Variants in AARSD1 observed in about 807,000 individuals in gnomAD.
AARSD1 encodes alanyl-tRNA synthetase domain containing 1.
AARSD1 carries 44 observed loss-of-function variants against 48.7 expected under a neutral mutation model. The ratio of observed to expected loss-of-function variants is 0.90; its 90% CI spans 0.71 to 1.16. The LOEUF is 1.16. Ranked by LOEUF, AARSD1 falls within the 50% of genes most tolerant of loss-of-function variation. The pLI is 0.00. For synonymous variants in AARSD1, 189 were observed against 194.9 expected, an observed-to-expected ratio of 0.97 and a Z score of 0.25; for missense variants, 511 against 523.1, an observed-to-expected ratio of 0.98 and a Z score of 0.23.
chr17:42,955,756 C>T (rs761880926), intron 7 of AARSD1, 86 bp downstream of exon 7: 46 of 1,582,826 alleles, frequency 2.9e-5, no homozygotes, highest in Non-Finnish European at 3.6e-5. Flanking sequence ...TTATCATTTA[C>T]GATTGCATCT....
chr17:42,951,278 A>C (rs2049475657), intron 11 of AARSD1, among the ~76,000 whole-genome samples: 1 of 152,128 alleles, frequency 6.6e-6, no homozygotes, highest in Non-Finnish European at 1.5e-5. Context: ...ATCTCCAGAG[A>C]GCAGGGTGAG....
In AARSD1 at chr17:42,964,431, A is replaced by T; in HGVS notation, c.10T>A (p.Trp4Arg). MAF[W>R]CQRDSYAREF... Reference sequence around the variant, plus strand: ...CGGGCATAACTGTCACGCTGACACCAGAACGCCATACCTGCAGGCGTGTGA... The same window carrying T: ...CGGGCATAACTGTCACGCTGACACCTGAACGCCATACCTGCAGGCGTGTGA... Residue 4 changes from tryptophan (W) to arginine (R), a missense_variant, in exon 1 of 12, where the codon TGG (tryptophan) becomes AGG (arginine). Physicochemically the swap from Trp to Arg is moderately radical, Grantham distance 101 (BLOSUM62 -3). Transcript: ENST00000427569. The T allele has an allele frequency of 6.4e-7, 1 of 1,550,820 alleles. No individual in the cohort carries two copies.
At chr17:42,963,437 A>G (rs2049666417) in intron 2 of AARSD1, among the ~76,000 whole-genome samples, 2 of 151,820 alleles carry the variant, frequency 1.3e-5, no homozygotes, top group Admixed American at 1.3e-4. Context: ...AAAAGAAAAG[A>G]AAGAAAAGCC....
In AARSD1 at chr17:42,957,127, C is replaced by T. The variant is rs1466492547; in HGVS notation, c.389+11G>A. ...GGCCTGCCTACAGTTAGTCTTATGC[C>T]TCCCACTCACCATGATGTTGTCTTC... On this transcript the variant is annotated intron_variant, in intron 4 of 11. Transcript: ENST00000427569. 5 of 1,613,322 alleles carry T rather than the reference C, an allele frequency of 3.1e-6. No individual in the cohort carries two copies. The highest frequency in any genetic ancestry group is 4.2e-6 in the Non-Finnish European group (5 of 1,179,708).
At position 42,957,148 on chromosome 17, in the gene AARSD1, T is replaced by C; in HGVS notation, c.379A>G (p.Thr127Ala). 2 of 1,613,614 alleles carry C rather than the reference T, an allele frequency of 1.2e-6. No homozygotes were observed. The highest frequency in any genetic ancestry group is 8.5e-7 in the Non-Finnish European group (1 of 1,179,846). The change falls in exon 4 of 12, where the codon ACA (threonine) becomes GCA (alanine). Residue 127 changes from threonine to alanine, a missense_variant. Thr to Ala is a moderately conservative substitution (Grantham distance 58). Transcript: ENST00000427569. The stretch of plus-strand genomic sequence containing the variant: ...ATGCCTCCCACTCACCATGATGTTG[T>C]CTTCAGCTTAAATAGATGGTCAGCA... ...AVADHLFKLKTTSWELGRFRS... is the reference protein window; with the variant it reads ...AVADHLFKLKATSWELGRFRS...
rs775337462 is a variant in AARSD1, at chr17:42,961,370, C to T, written c.172-19G>A. Reference sequence around the variant, plus strand: ...CATCAGGCTGGTGGAAATAAGTAAACGTAATCAATGGCAAGGCAGGGCTCA... The same window carrying T: ...CATCAGGCTGGTGGAAATAAGTAAATGTAATCAATGGCAAGGCAGGGCTCA... On this transcript the variant is annotated intron_variant, in intron 2 of 11. Coordinates refer to ENST00000427569, the MANE Select transcript of AARSD1 (RefSeq NM_001261434.2). The T allele has an allele frequency of 5.6e-6, 9 of 1,613,546 alleles. No individual in the cohort carries two copies. Among genetic ancestry groups the T allele is most frequent in the East Asian group, 4.5e-5 (2 of 44,874 alleles).
Position 42,954,482 on chromosome 17 carries a change from C to T in AARSD1, c.953+394G>A, listed in dbSNP as rs1463403408. Reference sequence around the variant, plus strand: ...GGGGTCTCACTCTGTTGGTCCAGGCCGGAGTGCTGTGGCGTGATCTCCACT... The same window carrying T: ...GGGGTCTCACTCTGTTGGTCCAGGCTGGAGTGCTGTGGCGTGATCTCCACT... On this transcript the variant is annotated intron_variant, in intron 9 of 11. Transcript: ENST00000427569. 4.0e-5 allele frequency among the ~76,000 whole-genome samples: 6 copies of T among 151,696 alleles called. No homozygotes were observed. In the East Asian group the frequency reaches 5.8e-4, roughly 15 times the overall value.
In AARSD1 at chr17:42,955,285, C is replaced by A. The variant is rs982525202; in HGVS notation, c.795-61G>T. On this transcript the variant is annotated intron_variant, in intron 7 of 11. Transcript: ENST00000427569. ...TCCCAGTCGTTTCTGATGTTGGGGA[C>A]ATAAATCAATAATTTCCTTCTTGCT... 15 of 1,599,548 alleles carry A rather than the reference C, an allele frequency of 9.4e-6. No individual in the cohort carries two copies. The Admixed American group carries it at 2.2e-4, about 24-fold the overall frequency.
chr17:42,957,153 A>G lies in AARSD1; in HGVS notation c.374T>C (p.Leu125Pro). The G allele has an allele frequency of 6.2e-7, 1 of 1,613,566 alleles. No individual in the cohort carries two copies. The highest frequency in any genetic ancestry group is 8.5e-7 in the Non-Finnish European group (1 of 1,179,806). The change falls in exon 4 of 12, where the codon CTG becomes CCG. Residue 125 changes from leucine to proline, a missense_variant. Transcript: ENST00000427569. ...TCCCACTCACCATGATGTTGTCTTC[A>G]GCTTAAATAGATGGTCAGCAACTGC... is the stretch of plus-strand genomic sequence containing the variant. ...ITAVADHLFKLKTTSWELGRF... is the reference protein window; with the variant it reads ...ITAVADHLFKPKTTSWELGRF...
chr17:42,958,889 C>T (rs1442744524), intron 3 of AARSD1, among the ~76,000 whole-genome samples: 2 of 148,978 alleles, frequency 1.3e-5, no homozygotes, highest in Non-Finnish European at 3.0e-5. Flanking sequence ...TTCTTGTTTA[C>T]ATTTCCACTT....
At position 42,964,090 on chromosome 17, in the gene AARSD1, G is replaced by A. The variant is rs1405620344; in HGVS notation, c.171+16C>T. 6.2e-7 allele frequency: 1 copy of A among 1,614,054 alleles called. No individual in the cohort carries two copies. The highest frequency in any genetic ancestry group is 8.5e-7 in the Non-Finnish European group (1 of 1,180,016). On this transcript the variant is annotated intron_variant, in intron 2 of 11. Transcript: ENST00000427569. ...AAAGAAACTGGGGGCTTCCTGGGAAGAGATCGTTTTGGTACCTGTCCCCCG... is the reference window on the plus strand; with the variant it reads ...AAAGAAACTGGGGGCTTCCTGGGAAAAGATCGTTTTGGTACCTGTCCCCCG...
At chr17:42,960,904 T>C (rs953862679) in intron 3 of AARSD1, 2 of 309,618 alleles carry the variant, frequency 6.5e-6, no homozygotes, top group Non-Finnish European at 1.1e-5. Flanking sequence ...TTTTGTTTCA[T>C]TTTGGACATT....
chr17:42,955,379 C>A, intron 7 of AARSD1, 155 bp from the exon 8 acceptor site: 8 of 750,826 alleles, frequency 1.1e-5, no homozygotes, highest in East Asian at 3.4e-5. Flanking sequence ...TGGGAGAAAA[C>A]ATACAAAGGA....
chr17:42,962,005 T>A (rs1488160772), intron 2 of AARSD1, among the ~76,000 whole-genome samples: 2 of 149,680 alleles, frequency 1.3e-5, no homozygotes, highest in East Asian at 3.9e-4. Context: ...ACTGTCTCAT[T>A]TAAAAAAAAA....
At position 42,953,755 on chromosome 17, in the gene AARSD1, A is replaced by G; in HGVS notation, c.977T>C (p.Met326Thr). ...CCCAATCTCATTGGCAATGATATTC[A>G]TGAACTCTGAATCACCCTCCTTCCT... Reference protein sequence around the residue: ...LHRKEGDSEFMNIIANEIGSE... With the variant: ...LHRKEGDSEFTNIIANEIGSE... Residue 326 changes from methionine to threonine, a missense_variant, in exon 10 of 12, where the codon ATG (methionine) becomes ACG (threonine). By Grantham distance (81) the Met-to-Thr change is moderately conservative. Transcript: ENST00000427569. The G allele has an allele frequency of 6.2e-7, 1 of 1,614,104 alleles. No homozygotes were observed. The highest frequency in any genetic ancestry group is 8.5e-7 in the Non-Finnish European group (1 of 1,179,992).
Position 42,961,239 on chromosome 17 carries a change from A to G in AARSD1, c.284T>C (p.Val95Ala), listed in dbSNP as rs558579730. The stretch of plus-strand genomic sequence containing the variant: ...AAACCTCCGCTCCCAATCTACCCGG[A>G]CCAGAACCTGGCTTCCTGGATCCAG... ...TPLDPGSQVL[V>A]RVDWERRFDH... The change falls in exon 3 of 12, where the codon GTC becomes GCC. Residue 95 changes from valine (V) to alanine (A), a missense_variant. By Grantham distance (64) the Val-to-Ala change is moderately conservative. Transcript: ENST00000427569. The G allele has an allele frequency of 2.3e-5, 37 of 1,614,070 alleles. No homozygotes were observed. The South Asian group carries it at 3.4e-4, about 15-fold the overall frequency.
At chr17:42,952,407 G>A (rs2049491431) in intron 10 of AARSD1, among the ~76,000 whole-genome samples, 1 of 152,262 alleles carries the variant, frequency 6.6e-6, no homozygotes, top group Middle Eastern at 3.4e-3. Context: ...ACTAGAATAT[G>A]AGCTTCTTGA....
At chr17:42,957,056 G>T in intron 4 of AARSD1, 82 bp downstream of exon 4, 1 of 1,560,264 alleles carries the variant, frequency 6.4e-7, no homozygotes. Context: ...AATCTCCCCG[G>T]CTCAAGCAAT....
In AARSD1 at chr17:42,964,451, G is replaced by T; in HGVS notation, c.-11C>A. 1 of 1,550,704 alleles carries T rather than the reference G, an allele frequency of 6.4e-7. No individual in the cohort carries two copies. Among genetic ancestry groups the T allele is most frequent in the Admixed American group, 2.0e-5 (1 of 51,012 alleles). The stretch of plus-strand genomic sequence containing the variant: ...ACACCAGAACGCCATACCTGCAGGC[G>T]TGTGAGGAGGCGCACGCGCAGAGAA... On this transcript the variant is annotated 5_prime_UTR_variant, in exon 1 of 12. Transcript: ENST00000427569.
Sources: gnomAD v4.1 joint callset for allele counts (sites outside exome capture counted in the v4.1 genomes callset) on GRCh38, gnomAD v4.1.1 for gene constraint, MANE v1.5 for transcripts, NCBI Gene and HGNC (gene_info 2026-07-23, HGNC 2026-07-21) for gene names.